INTS7: variants seen among roughly 807,000 people sequenced by gnomAD.
The protein encoded by INTS7 is chromosome 1 open reading frame 73.
In INTS7, 46 loss-of-function variants were observed where a neutral mutation model predicts 109.2. That is an observed-to-expected ratio of 0.42 (90% confidence interval 0.33 to 0.54). INTS7 has a LOEUF of 0.54. Among genes scored for constraint, INTS7 ranks in the 20% least tolerant of loss-of-function variants. INTS7 has a pLI of 0.07. For missense variants in INTS7, 929 were observed against 1,132.4 expected (o/e 0.82, Z 2.58); for synonymous variants, 412 against 402.9 (o/e 1.02, Z -0.27).
At chr1:212,010,118 T>C (rs1461678888) in intron 5 of INTS7, among the ~76,000 whole-genome samples, 1 of 152,230 alleles carries the variant, frequency 6.6e-6, no homozygotes, top group East Asian at 1.9e-4. Context: ...TCAGCTTTAG[T>C]GTGGCTCTAT....
At position 212,017,030 on chromosome 1, in the gene INTS7, A is replaced by T. The variant is rs41313734; in HGVS notation, c.372-7T>A. The T allele has an allele frequency of 1.6e-4, 256 of 1,571,336 alleles. No homozygotes were observed. Among genetic ancestry groups the T allele is most frequent in the Non-Finnish European group, 1.3e-4 (153 of 1,163,212 alleles). On this transcript the variant is annotated splice_region_variant and splice_polypyrimidine_tract_variant and intron_variant, in intron 3 of 19. Coordinates refer to ENST00000366994, the MANE Select transcript of INTS7 (RefSeq NM_015434.4). ...TGCCAGACTTCCCAACATCCTACAG[A>T]AACAGAGAAACCCAAGAAGATCGGG...
At chr1:211,978,572 A>G (rs112654546) in intron 10 of INTS7, 61 bp from the exon 11 acceptor site, 19,549 of 1,593,496 alleles carry the variant, frequency 0.012, 177 homozygotes, top group Non-Finnish European at 0.014. Flanking sequence ...AGCTTTAAGG[A>G]AAAGAGCTTT....
At chr1:212,015,339 A>G (rs1666375401) in intron 4 of INTS7, among the ~76,000 whole-genome samples, 2 of 152,202 alleles carry the variant, frequency 1.3e-5, no homozygotes, top group Non-Finnish European at 2.9e-5. Context: ...TAGACATAGG[A>G]GACTCCATTT....
chr1:212,022,140 T>C (rs1666737649), intron 1 of INTS7, among the ~76,000 whole-genome samples: 1 of 152,172 alleles, frequency 6.6e-6, no homozygotes, highest in African/African-American at 2.4e-5. Flanking sequence ...CACCCTTAAC[T>C]TGCATCATAC....
chr1:211,949,640 C>G (rs1252983699), intron 17 of INTS7, among the ~76,000 whole-genome samples: 1 of 152,154 alleles, frequency 6.6e-6, no homozygotes, highest in East Asian at 1.9e-4. Flanking sequence ...CCACACCCTG[C>G]CAGCCATTTC....
At position 211,944,910 on chromosome 1, in the gene INTS7, C is replaced by A. The variant is rs750327226; in HGVS notation, c.2475G>T (p.Gln825His). Reference protein sequence around the residue: ...PAEPIAVQNNQQLALKVEGVV... With the variant: ...PAEPIAVQNNHQLALKVEGVV... Reference sequence around the variant, plus strand: ...CTCCCTCTACCTTTAGCGCCAGCTGCTGGTTATTCTGGACAGCAATGGGCT... The same window carrying A: ...CTCCCTCTACCTTTAGCGCCAGCTGATGGTTATTCTGGACAGCAATGGGCT... Residue 825 changes from glutamine to histidine, a missense_variant, in exon 19 of 20, where the codon CAG (glutamine) becomes CAT (histidine). By Grantham distance (24) the Gln-to-His change is conservative. Around this residue, in one of 2 missense-constraint regions of INTS7, gnomAD observed 787 missense variants for 901.1 expected, o/e 0.87. Coordinates refer to ENST00000366994, the MANE Select transcript of INTS7 (RefSeq NM_015434.4). 1 of 1,614,200 alleles carries A rather than the reference C, an allele frequency of 6.2e-7. No individual in the cohort carries two copies.
intron 8 of INTS7, among the ~76,000 whole-genome samples, chr1:211,984,372 A>T (rs1571875233): frequency 1.3e-5 from 2 of 152,262 alleles, no homozygotes; most frequent in East Asian, 3.9e-4. Flanking sequence ...ACCCAGAAAA[A>T]TCCAAAGAAC....
At chr1:211,948,055 C>A (rs548771593) in intron 17 of INTS7, among the ~76,000 whole-genome samples, 15 of 152,196 alleles carry the variant, frequency 9.9e-5, no homozygotes, top group Non-Finnish European at 2.1e-4. Flanking sequence ...TGATTGAAAC[C>A]CAACACCACA....
chr1:212,005,188 G>A (rs1399911834), intron 7 of INTS7, among the ~76,000 whole-genome samples: 1 of 152,004 alleles, frequency 6.6e-6, no homozygotes, highest in Non-Finnish European at 1.5e-5. Context: ...ACAATTAAAG[G>A]GGAAAGACAT....
At chr1:212,008,757 T>C (rs1369831321) in intron 5 of INTS7, among the ~76,000 whole-genome samples, 1 of 152,160 alleles carries the variant, frequency 6.6e-6, no homozygotes, top group African/African-American at 2.4e-5. Flanking sequence ...TATAGCTTCT[T>C]AGACCCTGGA....
intron 1 of INTS7, among the ~76,000 whole-genome samples, chr1:212,028,122 C>T (rs1158824394): frequency 2.0e-5 from 3 of 152,164 alleles, no homozygotes; most frequent in Non-Finnish European, 4.4e-5. Context: ...CCACTGCGCC[C>T]AGCCAGCACC....
chr1:211,966,320 C>T (rs1663877206), intron 16 of INTS7, 110 bp downstream of exon 16: 5 of 558,952 alleles, frequency 8.9e-6, no homozygotes, highest in Non-Finnish European at 1.3e-5. Flanking sequence ...AATTCTTCCA[C>T]TTTGTTTTTA....
chr1:211,959,003 C>T lies in INTS7; in HGVS notation c.2184-6302G>A, dbSNP rs939458154. On this transcript the variant is annotated intron_variant, in intron 16 of 19. Transcript: ENST00000366994. This position sits in a 1 kb window ranked among gnomAD's most constrained non-coding sequence, Gnocchi z 4.2. ...GGGAGGGACCCCTGCATGGGGATAT[C>T]GCACCGGGGGAACAGTGACTTGAAC... Among the ~76,000 whole-genome samples the T allele has an allele frequency of 1.3e-5, 2 of 152,142 alleles. No individual in the cohort carries two copies. The highest frequency in any genetic ancestry group is 2.4e-5 in the African/African-American group (1 of 41,436).
chr1:211,954,232 C>T (rs1663251095), intron 16 of INTS7, among the ~76,000 whole-genome samples: 1 of 152,206 alleles, frequency 6.6e-6, no homozygotes, highest in African/African-American at 2.4e-5. Flanking sequence ...CCTTCGCTCA[C>T]TTTTTGATGG....
chr1:211,958,665 T>C (rs899204957), intron 16 of INTS7, among the ~76,000 whole-genome samples: 14 of 152,218 alleles, frequency 9.2e-5, no homozygotes, highest in African/African-American at 3.4e-4. Flanking sequence ...TAAATGACAT[T>C]ACCCCACAGG....
At chr1:211,971,535 G>C (rs1664168865) in intron 13 of INTS7, among the ~76,000 whole-genome samples, 1 of 152,116 alleles carries the variant, frequency 6.6e-6, no homozygotes, top group Non-Finnish European at 1.5e-5. Context: ...GCAAGTCAAA[G>C]AAAAATATGA....
intron 16 of INTS7, among the ~76,000 whole-genome samples, chr1:211,960,954 G>A (rs920487476): frequency 6.6e-5 from 10 of 151,974 alleles, no homozygotes; most frequent in Non-Finnish European, 1.5e-4. Context: ...GGCAGAGGTG[G>A]CAGTGAACTG....
chr1:211,968,835 C>T lies in INTS7; in HGVS notation c.1816-128G>A, dbSNP rs537316712. The T allele has an allele frequency of 1.7e-5, 10 of 581,232 alleles. No homozygotes were observed. In the South Asian group the frequency reaches 3.4e-4, roughly 20 times the overall value. 36.0% of individuals were successfully genotyped at this position (581,232 alleles called of 1,614,324 possible). ...TCTAAAAACACTGACGGATAAAGACCTAAATGATAAAAAGAATAATGTAAT... is the reference window on the plus strand; with the variant it reads ...TCTAAAAACACTGACGGATAAAGACTTAAATGATAAAAAGAATAATGTAAT... On this transcript the variant is annotated intron_variant, in intron 13 of 19. Coordinates refer to ENST00000366994, the MANE Select transcript of INTS7 (RefSeq NM_015434.4).
chr1:211,940,593 T>C lies in INTS7; in HGVS notation c.*1231A>G, dbSNP rs1339240656. On this transcript the variant is annotated 3_prime_UTR_variant, in exon 20 of 20. Coordinates refer to ENST00000366994, the MANE Select transcript of INTS7 (RefSeq NM_015434.4). ...AAAAGCAGTTAAGTTATATCTACCA[T>C]ACTGTGCTAAGAAAGTCTATTTTAT... 1 of 152,150 alleles carries C rather than the reference T, an allele frequency of 6.6e-6. No homozygotes were observed. The highest frequency in any genetic ancestry group is 1.9e-4 in the East Asian group (1 of 5,190). The allele number at this position is 152,150 out of a possible 1,614,324, so 9.4% of individuals were successfully genotyped here.
Sources: gnomAD v4.1 joint callset for allele counts (sites outside exome capture counted in the v4.1 genomes callset) on GRCh38, gnomAD v4.1.1 for gene constraint, gnomAD v4.1.1 regional missense constraint, Gnocchi (gnomAD v3.1) non-coding constraint, MANE v1.5 for transcripts, NCBI Gene and HGNC (gene_info 2026-07-23, HGNC 2026-07-21) for gene names.